The following CSGALNACT1 variants were observed in gnomAD, a reference collection of about 807,000 sequenced individuals.
The protein encoded by CSGALNACT1 is beta4GalNAcT-1.
In CSGALNACT1, 52 loss-of-function variants were observed where a neutral mutation model predicts 51.0. The observed-to-expected ratio is 1.02, with a 90% CI of 0.82 to 1.29. The LOEUF (loss-of-function observed/expected upper bound fraction) is 1.29. Among genes scored for constraint, CSGALNACT1 ranks in the 50% most tolerant of loss-of-function variants. The pLI, the probability that CSGALNACT1 is intolerant of heterozygous loss-of-function variation, is 0.00. For missense variants in CSGALNACT1, 935 were observed against 679.2 expected, an observed-to-expected ratio of 1.38 and a Z score of -4.19; for synonymous variants, 341 against 254.4, an observed-to-expected ratio of 1.34 and a Z score of -3.24.
chr8:19,509,097 C>A (rs4921655), intron 3 of CSGALNACT1, among the ~76,000 whole-genome samples: 1 of 151,974 alleles, frequency 6.6e-6, no homozygotes, highest in Non-Finnish European at 1.5e-5. Flanking sequence ...TCCTTTGAAA[C>A]GTCAGAAGCA....
chr8:19,652,495 C>T (rs905758363), intron 1 of CSGALNACT1, among the ~76,000 whole-genome samples: 5 of 152,302 alleles, frequency 3.3e-5, no homozygotes, highest in African/African-American at 1.2e-4. Flanking sequence ...GTCTTCCCAT[C>T]TACCTCCTAC....
intron 1 of CSGALNACT1, among the ~76,000 whole-genome samples, chr8:19,652,137 G>T (rs2057869814): frequency 6.6e-6 from 1 of 151,940 alleles, no homozygotes; most frequent in Non-Finnish European, 1.5e-5. Flanking sequence ...CTTTTGTAGA[G>T]ATGGGGTTTC....
intron 3 of CSGALNACT1, among the ~76,000 whole-genome samples, chr8:19,578,760 G>T (rs1327692933): frequency 6.6e-6 from 1 of 151,974 alleles, no homozygotes; most frequent in Non-Finnish European, 1.5e-5. Context: ...ACCTTCTGAC[G>T]TCTGCCTCTA....
chr8:19,444,399 C>A (rs769853552), intron 5 of CSGALNACT1, among the ~76,000 whole-genome samples: 30 of 152,124 alleles, frequency 2.0e-4, no homozygotes, highest in Non-Finnish European at 4.1e-4. Context: ...TTGCTTGAAT[C>A]GGAGGGTGTG....
rs370884744 is a variant in CSGALNACT1, at chr8:19,418,640, C to A, written c.1227+16G>T. ...AAACAGAGCCACACAGAGCCATCTG[C>A]AGGGTAATTACTCACCAGCTGCTGT... is the stretch of plus-strand genomic sequence containing the variant. On this transcript the variant is annotated intron_variant, in intron 8 of 9. Transcript: ENST00000454498. 10 of 1,554,628 alleles carry A rather than the reference C, an allele frequency of 6.4e-6. No individual in the cohort carries two copies. The African/African-American group carries it at 1.2e-4, about 19-fold the overall frequency.
At chr8:19,555,952 G>C (rs2089606241) in intron 3 of CSGALNACT1, among the ~76,000 whole-genome samples, 1 of 152,096 alleles carries the variant, frequency 6.6e-6, no homozygotes, top group African/African-American at 2.4e-5. Flanking sequence ...GGCTTCTCGA[G>C]TCCCATTTTT....
chr8:19,536,350 A>G (rs1323878784), intron 3 of CSGALNACT1, among the ~76,000 whole-genome samples: 1 of 112,032 alleles, frequency 8.9e-6, no homozygotes, highest in Non-Finnish European at 1.8e-5. Context: ...AATGTTAAAA[A>G]AAACAAATGC....
At chr8:19,409,499 A>G (rs2055164209) in intron 8 of CSGALNACT1, among the ~76,000 whole-genome samples, 1 of 108,760 alleles carries the variant, frequency 9.2e-6, no homozygotes, top group African/African-American at 3.1e-5. Flanking sequence ...ATATATATAT[A>G]TAGAGAGAGA....
In CSGALNACT1 at chr8:19,460,290, T is replaced by G. The variant is rs377098233; in HGVS notation, c.635-1648A>C. 1.1e-4 allele frequency among the ~76,000 whole-genome samples: 16 copies of G among 152,344 alleles called. No homozygotes were observed. In the South Asian group the frequency reaches 1.9e-3, roughly 18 times the overall value. On this transcript the variant is annotated intron_variant, in intron 4 of 9. Coordinates refer to ENST00000454498, the Ensembl canonical transcript of CSGALNACT1. ...GAGAGAGAGAGAAAGAGACCATGTT[T>G]ACATACCTTTTATTACCTTATATTG...
chr8:19,486,047 T>G (rs1398805659), intron 4 of CSGALNACT1, among the ~76,000 whole-genome samples: 1 of 151,880 alleles, frequency 6.6e-6, no homozygotes, highest in Admixed American at 6.6e-5. Flanking sequence ...ATTACAGGCG[T>G]GAGCCACCGT....
At chr8:19,655,696 G>A (rs940676812) in intron 1 of CSGALNACT1, among the ~76,000 whole-genome samples, 1 of 152,008 alleles carries the variant, frequency 6.6e-6, no homozygotes, top group Non-Finnish European at 1.5e-5. Context: ...GGGATTACAG[G>A]CATGAGCCAC....
At chr8:19,679,808 C>T (rs746829454) in intron 1 of CSGALNACT1, among the ~76,000 whole-genome samples, 1 of 152,116 alleles carries the variant, frequency 6.6e-6, no homozygotes, top group Non-Finnish European at 1.5e-5. Context: ...GCCAGAGTCC[C>T]GGCAACACTT....
chr8:19,667,935 T>C (rs1481891152), intron 1 of CSGALNACT1, among the ~76,000 whole-genome samples: 1 of 152,152 alleles, frequency 6.6e-6, no homozygotes, highest in East Asian at 1.9e-4. Flanking sequence ...AGAAATAGAA[T>C]TAAAGCGCAG....
chr8:19,490,903 C>T (rs1031752097), intron 4 of CSGALNACT1, among the ~76,000 whole-genome samples: 2 of 152,292 alleles, frequency 1.3e-5, no homozygotes, highest in South Asian at 2.1e-4. Context: ...ACTACCACCT[C>T]GAAACCTGGG....
chr8:19,657,239 T>TGAAA (rs1554788342), intron 1 of CSGALNACT1, among the ~76,000 whole-genome samples: 3 of 86,284 alleles, frequency 3.5e-5, no homozygotes, highest in Non-Finnish European at 7.1e-5. Context: ...AACTGAAAGA[T>TGAAA]GATAAACTGA....
chr8:19,649,818 G>GAAAAAAAAAAAAAAAA (rs1564347327), intron 1 of CSGALNACT1, among the ~76,000 whole-genome samples: 5 of 1,554 alleles, frequency 3.2e-3, no homozygotes, highest in African/African-American at 0.011. Context: ...ATTCCAAGTA[G>GAAAAAAAAAAAAAAAA]CAAAAAAAAA....
chr8:19,719,216 GTCTT>G (rs536468260), intron 1 of CSGALNACT1, among the ~76,000 whole-genome samples: 1 of 152,130 alleles, frequency 6.6e-6, no homozygotes, highest in Non-Finnish European at 1.5e-5. Context: ...GGACTCATTT[GTCTT>G]TCTGATTTAT....
intron 4 of CSGALNACT1, among the ~76,000 whole-genome samples, chr8:19,503,074 A>G (rs1250860462): frequency 1.3e-5 from 2 of 152,250 alleles, no homozygotes; most frequent in African/African-American, 4.8e-5. Flanking sequence ...TCCTGTGACT[A>G]TCAAAGATTG....
At chr8:19,680,179 G>A (rs1332246128) in intron 1 of CSGALNACT1, among the ~76,000 whole-genome samples, 1 of 152,042 alleles carries the variant, frequency 6.6e-6, no homozygotes, top group Non-Finnish European at 1.5e-5. Flanking sequence ...GCATCCATGG[G>A]CTCCTCTGCA....
Sources: gnomAD v4.1 joint callset for allele counts (sites outside exome capture counted in the v4.1 genomes callset) on GRCh38, gnomAD v4.1.1 for gene constraint, MANE v1.5 for transcripts, NCBI Gene and HGNC (gene_info 2026-07-23, HGNC 2026-07-21) for gene names.